Variants in MAPT observed in about 807,000 individuals in gnomAD.
The protein encoded by MAPT is microtubule-associated protein tau.
In MAPT, 34 loss-of-function variants were observed where a neutral mutation model predicts 67.9. That is an observed-to-expected ratio of 0.50 (90% CI 0.38 to 0.67). MAPT has a LOEUF of 0.67. Among genes scored for constraint, MAPT ranks in the 30% least tolerant of loss-of-function variants. MAPT has a pLI of 0.00. For synonymous variants in MAPT, 456 were observed against 464.5 expected (o/e 0.98, Z 0.23); for missense variants, 881 against 1,115.2 (o/e 0.79, Z 2.99).
At chr17:46,003,778 C>G (rs749917290) in intron 9 of MAPT, among the ~76,000 whole-genome samples, 1 of 152,140 alleles carries the variant, frequency 6.6e-6, no homozygotes, top group Non-Finnish European at 1.5e-5. Flanking sequence ...AGGCTGGGAC[C>G]CTCCTCTAGG....
chr17:46,011,070 G>A (rs930443396), intron 10 of MAPT, among the ~76,000 whole-genome samples: 1 of 152,254 alleles, frequency 6.6e-6, no homozygotes, highest in African/African-American at 2.4e-5. Context: ...GTTGAGGTGT[G>A]GCAGAGAAAT....
chr17:45,927,861 G>A (rs1164953683), intron 1 of MAPT, among the ~76,000 whole-genome samples: 1 of 151,956 alleles, frequency 6.6e-6, no homozygotes, highest in East Asian at 1.9e-4. Context: ...GTAGCCGGGA[G>A]TGGTGGCAGG....
At chr17:45,895,283 C>A (rs1452148718) in intron 1 of MAPT, 3 of 152,222 alleles carry the variant, frequency 2.0e-5, no homozygotes. Context: ...GGGCCGGCCC[C>A]CTCCCCTTTT....
chr17:45,973,285 C>G (rs911068961), intron 3 of MAPT: 3 of 152,200 alleles, frequency 2.0e-5, no homozygotes, highest in African/African-American at 7.2e-5. Flanking sequence ...TTGGCTCCTT[C>G]TTAGAGCCAG....
chr17:45,921,196 A>C (rs1186035986), intron 1 of MAPT, among the ~76,000 whole-genome samples: 4 of 152,072 alleles, frequency 2.6e-5, no homozygotes, highest in Non-Finnish European at 5.9e-5. Context: ...TTTGGGTGTA[A>C]ATTCGGGGTA....
At chr17:45,998,944 C>T (rs2074749351) in intron 9 of MAPT, among the ~76,000 whole-genome samples, 1 of 152,168 alleles carries the variant, frequency 6.6e-6, no homozygotes, top group Non-Finnish European at 1.5e-5. Flanking sequence ...CATGCACCCC[C>T]ATCCTGCTCC....
Position 46,025,755 on chromosome 17 carries a change from G to A in MAPT, c.*1584G>A, listed in dbSNP as rs546985052. ...GTCTTGGTTGTCAGTGGTGGCACCA[G>A]GATGGAAGGGCAAGGCACCCAGGGC... On this transcript the variant is annotated 3_prime_UTR_variant, in exon 13 of 13. Transcript: ENST00000262410. 6 of 152,564 alleles carry A rather than the reference G, an allele frequency of 3.9e-5. No homozygotes were observed. In the South Asian group the frequency reaches 1.2e-3, roughly 32 times the overall value. 9.5% of individuals were successfully genotyped at this position (152,564 alleles called of 1,614,324 possible). A position where few individuals can be genotyped will look rare whatever the true frequency, so the allele number is the denominator to read the frequency against.
chr17:45,900,055 G>A (rs1365416524), intron 1 of MAPT, among the ~76,000 whole-genome samples: 1 of 152,140 alleles, frequency 6.6e-6, no homozygotes, highest in African/African-American at 2.4e-5. Flanking sequence ...TGAAAGCGTT[G>A]GCGCCCACTG....
At chr17:45,946,205 A>C (rs1390791967) in intron 1 of MAPT, among the ~76,000 whole-genome samples, 5 of 152,086 alleles carry the variant, frequency 3.3e-5, no homozygotes, top group Non-Finnish European at 7.4e-5. Flanking sequence ...AGGCAGATTA[A>C]AGTGGTGACC....
chr17:45,938,645 AT>A (rs113263403), intron 1 of MAPT, among the ~76,000 whole-genome samples: 1 of 151,110 alleles, frequency 6.6e-6, no homozygotes, highest in Admixed American at 6.6e-5. Context: ...TTTAATTAAG[AT>A]TTTTTTTTCC....
chr17:46,024,710 A>G lies in MAPT; in HGVS notation c.*539A>G, dbSNP rs907794225. The G allele has an allele frequency of 8.4e-6, 1 of 118,536 alleles. No homozygotes were observed. The highest frequency in any genetic ancestry group is 1.6e-5 in the Non-Finnish European group (1 of 62,522). The allele number at this position is 118,536 out of a possible 1,614,324, so 7.3% of individuals were successfully genotyped here. A position where few individuals can be genotyped will look rare whatever the true frequency, so the allele number is the denominator to read the frequency against. On this transcript the variant is annotated 3_prime_UTR_variant, in exon 13 of 13. Transcript: ENST00000262410. The stretch of plus-strand genomic sequence containing the variant: ...GGGGTGGGGCGGGAGGCCACGGGGG[A>G]GGCCGAGGCAGGGGCTGGGCAGAGG...
chr17:45,992,066 A>C (rs945807416), intron 8 of MAPT, among the ~76,000 whole-genome samples: 3 of 152,152 alleles, frequency 2.0e-5, no homozygotes, highest in African/African-American at 7.2e-5. Flanking sequence ...GATTACAGGC[A>C]TGAGCCACCA....
chr17:46,020,864 A>G (rs2076486128), intron 12 of MAPT, among the ~76,000 whole-genome samples: 1 of 152,108 alleles, frequency 6.6e-6, no homozygotes, highest in African/African-American at 2.4e-5. Context: ...CAGCCAAACC[A>G]TATCAGGGCG....
At position 45,941,685 on chromosome 17, in the gene MAPT, TCCTTCCTTCCTTCCTGCCTG is replaced by T. The variant is rs1464146478; in HGVS notation, c.-17-20620_-17-20601del. Reference sequence around the variant, plus strand: ...TTCCCCCCTTCCCCCCTTCCCTCCTTCCTTCCTTCCTTCCTGCCTGCCTTCCTTCCTTCCTTCCTTCCTTC... The same window carrying T: ...TTCCCCCCTTCCCCCCTTCCCTCCTTCCTTCCTTCCTTCCTTCCTTCCTTC... On this transcript the variant is annotated intron_variant, in intron 1 of 12. Coordinates refer to ENST00000262410, the MANE Select transcript of MAPT (RefSeq NM_001377265.1). Among the ~76,000 whole-genome samples, 61 of 28,114 alleles carry T rather than the reference TCCTTCCTTCCTTCCTGCCTG, an allele frequency of 2.2e-3. 4 individuals are homozygous for T. The highest frequency in any genetic ancestry group is 6.7e-3 in the South Asian group (2 of 298). The allele number at this position is 28,114 out of a possible 152,430, so 18.4% of individuals were successfully genotyped here.
chr17:45,942,211 T>C (rs2068062450), intron 1 of MAPT, among the ~76,000 whole-genome samples: 1 of 152,262 alleles, frequency 6.6e-6, no homozygotes. Context: ...ACTACACATA[T>C]ATGTATTCTT....
chr17:45,959,351 T>A (rs2070120218), intron 1 of MAPT, among the ~76,000 whole-genome samples: 1 of 152,142 alleles, frequency 6.6e-6, no homozygotes, highest in South Asian at 2.1e-4. Flanking sequence ...GCACAAAAAT[T>A]TTTTGGCATT....
In MAPT at chr17:45,986,927, C is replaced by G. The variant is rs558531243; in HGVS notation, c.1352-113C>G. The stretch of plus-strand genomic sequence containing the variant: ...GAGAACCAACTGGGTTTCCACCAGA[C>G]CCAACTAAACAAACATGGACCTATC... On this transcript the variant is annotated intron_variant, in intron 5 of 12. Coordinates refer to ENST00000262410, the MANE Select transcript of MAPT (RefSeq NM_001377265.1). 532 of 886,356 alleles carry G rather than the reference C, an allele frequency of 6.0e-4. 1 individual carries two copies. Among genetic ancestry groups the G allele is most frequent in the Middle Eastern group, 3.5e-3 (12 of 3,398 alleles). The allele number at this position is 886,356 out of a possible 1,614,324, so 54.9% of individuals were successfully genotyped here.
intron 9 of MAPT, among the ~76,000 whole-genome samples, chr17:46,005,195 T>G (rs932405395): frequency 6.6e-6 from 1 of 152,264 alleles, no homozygotes; most frequent in African/African-American, 2.4e-5. Context: ...GTTCTCTTCC[T>G]TGAAAAACTG....
chr17:46,017,765 G>T (rs536875166), intron 11 of MAPT, among the ~76,000 whole-genome samples: 1 of 149,764 alleles, frequency 6.7e-6, no homozygotes, highest in Non-Finnish European at 1.5e-5. Flanking sequence ...GGCCTGAAAG[G>T]GTTCTTATTT....
Sources: gnomAD v4.1 joint callset for allele counts (sites outside exome capture counted in the v4.1 genomes callset) on GRCh38, gnomAD v4.1.1 for gene constraint, MANE v1.5 for transcripts, NCBI Gene and HGNC (gene_info 2026-07-23, HGNC 2026-07-21) for gene names.